Variants in BAZ1A observed in about 807,000 individuals in gnomAD.
BAZ1A encodes bromodomain adjacent to zinc finger domain protein 1A.
BAZ1A carries 50 observed loss-of-function variants against 185.2 expected under a neutral mutation model. The observed-to-expected ratio is 0.27, with a 90% CI of 0.22 to 0.34. The LOEUF (loss-of-function observed/expected upper bound fraction) is 0.34. BAZ1A is among the 10% of genes least tolerant of loss of function. The probability of loss-of-function intolerance (pLI) is 1.00; values close to 1 mark genes in which losing one functional copy is unlikely to be tolerated. For synonymous variants in BAZ1A, 571 were observed against 615.6 expected (o/e 0.93, Z 1.07); for missense variants, 1,356 against 1,839.9 (o/e 0.74, Z 4.81).
At chr14:34,756,944 C>T (rs771957507) in intron 25 of BAZ1A, among the ~76,000 whole-genome samples, 1 of 152,052 alleles carries the variant, frequency 6.6e-6, no homozygotes, top group African/African-American at 2.4e-5. Context: ...CTGAGGCATG[C>T]GGTAGTTTGA....
intron 4 of BAZ1A, among the ~76,000 whole-genome samples, chr14:34,818,487 T>C (rs1020189097): frequency 5.3e-5 from 8 of 152,236 alleles, no homozygotes; most frequent in South Asian, 2.1e-4. Flanking sequence ...TTTAAATTAC[T>C]AAACTTTATT....
intron 3 of BAZ1A, among the ~76,000 whole-genome samples, chr14:34,844,758 A>AAC (rs201763795): frequency 2.0e-4 from 26 of 130,942 alleles, no homozygotes; most frequent in African/African-American, 6.6e-4. Context: ...ACCCTGTCTA[A>AAC]ACACACACAC....
chr14:34,821,917 G>A (rs1452083688), intron 4 of BAZ1A, among the ~76,000 whole-genome samples: 1 of 152,148 alleles, frequency 6.6e-6, no homozygotes, highest in African/African-American at 2.4e-5. Flanking sequence ...CTGGAAGGCA[G>A]AGGTTGCAGT....
intron 4 of BAZ1A, among the ~76,000 whole-genome samples, chr14:34,815,830 T>C (rs1007541866): frequency 3.3e-5 from 5 of 152,168 alleles, no homozygotes; most frequent in African/African-American, 9.7e-5. Context: ...TATTCTACAA[T>C]GACAACCCAC....
chr14:34,762,510 A>AC (rs947652716), intron 23 of BAZ1A, among the ~76,000 whole-genome samples: 68 of 150,682 alleles, frequency 4.5e-4, no homozygotes, highest in African/African-American at 1.5e-3. Flanking sequence ...ACAGAGTATC[A>AC]CTGTCACCCA....
At chr14:34,778,931 T>C (rs1239192552) in intron 17 of BAZ1A, among the ~76,000 whole-genome samples, 1 of 152,198 alleles carries the variant, frequency 6.6e-6, no homozygotes, top group Non-Finnish European at 1.5e-5. Flanking sequence ...CAGGGCGCAC[T>C]GCAGCCTTGA....
chr14:34,824,408 C>CAAAAAAAAAAAAAAAA, intron 4 of BAZ1A, among the ~76,000 whole-genome samples: 3 of 65,772 alleles, frequency 4.6e-5, no homozygotes, highest in Non-Finnish European at 5.1e-5. Context: ...AGCAGCAACT[C>CAAAAAAAAAAAAAAAA]AAAAAAAAAA....
rs200335470 is a variant in BAZ1A, at chr14:34,800,098, CT to C, written c.1128+125del. 8.9e-4 allele frequency: 893 copies of C among 1,006,906 alleles called. 10 individuals carry two copies. The African/African-American group carries it at 0.014, about 15-fold the overall frequency. 62.4% of individuals were successfully genotyped at this position (1,006,906 alleles called of 1,614,324 possible). A position where few individuals can be genotyped will look rare whatever the true frequency, so the allele number is the denominator to read the frequency against. On this transcript the variant is annotated intron_variant, in intron 9 of 26. Coordinates refer to ENST00000360310, the MANE Select transcript of BAZ1A (RefSeq NM_013448.3). ...AGCAAAAGGGAGATAAACCAATCAA[CT>C]TTCTATGCACATTCATAAATGTGAA...
intron 25 of BAZ1A, 88 bp from the exon 26 acceptor site, chr14:34,755,002 C>A (rs1886177868): frequency 4.6e-6 from 4 of 873,784 alleles, no homozygotes; most frequent in Non-Finnish European, 7.1e-6. Context: ...CACTAAAAAG[C>A]AACTCAATAT....
Position 34,753,356 on chromosome 14 carries a change from C to A in BAZ1A, c.*152G>T. The A allele has an allele frequency of 5.5e-6, 4 of 721,942 alleles. No individual in the cohort carries two copies. The highest frequency in any genetic ancestry group is 9.0e-6 in the Non-Finnish European group (4 of 443,598). 44.7% of individuals were successfully genotyped at this position (721,942 alleles called of 1,614,324 possible). ...TAGCAAAGGATATCTTTCCTACATT[C>A]TCCTGAGTGCTTAATATTAAAATTG... is the stretch of plus-strand genomic sequence containing the variant. On this transcript the variant is annotated 3_prime_UTR_variant, in exon 27 of 27. Coordinates refer to ENST00000360310, the MANE Select transcript of BAZ1A (RefSeq NM_013448.3).
intron 9 of BAZ1A, among the ~76,000 whole-genome samples, chr14:34,797,880 G>A (rs377283185): frequency 4.6e-5 from 7 of 152,238 alleles, no homozygotes; most frequent in South Asian, 2.1e-4. Flanking sequence ...CGCCTCACCC[G>A]GGAAGTGCAA....
At chr14:34,845,274 C>CTTTTT (rs71121228) in intron 3 of BAZ1A, 1 of 132,486 alleles carries the variant, frequency 7.5e-6, no homozygotes, top group Non-Finnish European at 1.6e-5. Flanking sequence ...TCAACTTTTT[C>CTTTTT]TTTTTTTTTT....
At chr14:34,775,642 A>C (rs1879548817) in intron 18 of BAZ1A, among the ~76,000 whole-genome samples, 1 of 152,212 alleles carries the variant, frequency 6.6e-6, no homozygotes, top group African/African-American at 2.4e-5. Context: ...TTCAGAGTCT[A>C]CTGACCAAGG....
At chr14:34,822,065 C>T (rs757950457) in intron 4 of BAZ1A, among the ~76,000 whole-genome samples, 3 of 151,956 alleles carry the variant, frequency 2.0e-5, no homozygotes, top group African/African-American at 2.4e-5. Context: ...GAGACCAAGG[C>T]GGGTGTATCA....
chr14:34,790,792 AG>A (rs777197491), intron 12 of BAZ1A, among the ~76,000 whole-genome samples: 4 of 152,188 alleles, frequency 2.6e-5, no homozygotes, highest in Non-Finnish European at 5.9e-5. Flanking sequence ...AGTTCTATAT[AG>A]GGAATACTTA....
At chr14:34,786,828 G>C (rs1364660970) in intron 12 of BAZ1A, among the ~76,000 whole-genome samples, 2 of 151,272 alleles carry the variant, frequency 1.3e-5, no homozygotes, top group Non-Finnish European at 2.9e-5. Context: ...GGCTGGTCTC[G>C]AACTCCTGAC....
At chr14:34,783,349 T>A in intron 15 of BAZ1A, 117 bp from the exon 16 acceptor site, 1 of 653,774 alleles carries the variant, frequency 1.5e-6, no homozygotes, top group Non-Finnish European at 2.6e-6. Context: ...AAAACTATAA[T>A]GTAGTAATCA....
intron 3 of BAZ1A, among the ~76,000 whole-genome samples, chr14:34,856,055 A>G (rs776190602): frequency 2.0e-5 from 3 of 152,216 alleles, no homozygotes; most frequent in Non-Finnish European, 2.9e-5. Flanking sequence ...CAAACATACT[A>G]ATAACAAGCC....
At chr14:34,781,767 G>A (rs1880056387) in intron 16 of BAZ1A, among the ~76,000 whole-genome samples, 1 of 152,204 alleles carries the variant, frequency 6.6e-6, no homozygotes, top group Admixed American at 6.5e-5. Flanking sequence ...AGAGTGCTGG[G>A]ATTACAGGCG....
Sources: gnomAD v4.1 joint callset for allele counts (sites outside exome capture counted in the v4.1 genomes callset) on GRCh38, gnomAD v4.1.1 for gene constraint, MANE v1.5 for transcripts, NCBI Gene and HGNC (gene_info 2026-07-23, HGNC 2026-07-21) for gene names.